Variants in ZBTB25 observed in about 807,000 individuals in gnomAD.
ZBTB25 encodes zinc finger and BTB domain-containing protein 25.
Under a neutral mutation model 34.2 loss-of-function variants are expected in ZBTB25, and 20 were observed. The observed-to-expected ratio is 0.58, with a 90% CI of 0.41 to 0.85. The LOEUF (loss-of-function observed/expected upper bound fraction) is 0.85, where lower values mean the gene tolerates loss of function less well. Ranked by LOEUF, ZBTB25 falls within the 40% of genes least tolerant of loss-of-function variation. The pLI is 0.00. For synonymous variants in ZBTB25, 175 were observed against 186.4 expected, an observed-to-expected ratio of 0.94 and a Z score of 0.50; for missense variants, 437 against 521.8, an observed-to-expected ratio of 0.84 and a Z score of 1.58.
intron 1 of ZBTB25, among the ~76,000 whole-genome samples, chr14:64,498,817 G>A (rs540474549): frequency 9.7e-4 from 147 of 151,554 alleles, no homozygotes; most frequent in African/African-American, 3.5e-3. Flanking sequence ...TGTATTTTTA[G>A]TCGAGACGGG....
At chr14:64,491,134 G>A (rs560425626) in intron 1 of ZBTB25, among the ~76,000 whole-genome samples, 5 of 152,236 alleles carry the variant, frequency 3.3e-5, no homozygotes, top group African/African-American at 4.8e-5. Context: ...TAGATGTCAA[G>A]CCACATCCCC....
At chr14:64,477,560 C>G (rs531500691), downstream of ZBTB25, among the ~76,000 whole-genome samples, 43 of 152,154 alleles carry the variant, frequency 2.8e-4, no homozygotes, top group Admixed American at 1.8e-3. Context: ...TCACTCCCCT[C>G]GAATCTTTGA....
chr14:64,464,659 G>A (rs2078591360), intron 2 of ZBTB25, among the ~76,000 whole-genome samples: 1 of 152,190 alleles, frequency 6.6e-6, no homozygotes, highest in South Asian at 2.1e-4. Flanking sequence ...TGCTATGGGG[G>A]CCAGAGGAGG....
intron 2 of ZBTB25, among the ~76,000 whole-genome samples, chr14:64,450,006 G>C (rs1596559472): frequency 6.6e-6 from 1 of 152,156 alleles, no homozygotes. Flanking sequence ...TGGCCAGGCT[G>C]GTCTCGAACT....
At position 64,457,962 on chromosome 14, in the gene ZBTB25, C is replaced by T. The variant is rs1236672874; in HGVS notation, c.174-8324G>A. 7.0e-6 allele frequency: 4 copies of T among 574,802 alleles called. No homozygotes were observed. In the Admixed American group the frequency reaches 1.2e-4, roughly 17 times the overall value. 35.6% of individuals were successfully genotyped at this position (574,802 alleles called of 1,614,324 possible). A position where few individuals can be genotyped will look rare whatever the true frequency, so the allele number is the denominator to read the frequency against. The stretch of plus-strand genomic sequence containing the variant: ...CGCCCAGGCAATCGGATGATCATGG[C>T]TCACTGTGGCCTCAACCTCCTAGCC... On this transcript the variant is annotated intron_variant, in intron 2 of 2. Transcript: ENST00000555220.
At position 64,485,673 on chromosome 14, in the gene ZBTB25, G is replaced by A; in HGVS notation, c.*1250C>T. The A allele has an allele frequency of 1.0e-6, 1 of 985,386 alleles. No individual in the cohort carries two copies. Among genetic ancestry groups the A allele is most frequent in the Non-Finnish European group, 1.2e-6 (1 of 829,920 alleles). The allele number at this position is 985,386 out of a possible 1,614,324, so 61.0% of individuals were successfully genotyped here. A position where few individuals can be genotyped will look rare whatever the true frequency, so the allele number is the denominator to read the frequency against. On this transcript the variant is annotated 3_prime_UTR_variant, in exon 3 of 3. Coordinates refer to ENST00000608382, the MANE Select transcript of ZBTB25 (RefSeq NM_006977.5). Reference sequence around the variant, plus strand: ...TGGTTTTATGGATCAGGAAAAAAGTGAAAACTGTGCCACTGAAAAATTACT... The same window carrying A: ...TGGTTTTATGGATCAGGAAAAAAGTAAAAACTGTGCCACTGAAAAATTACT...
At chr14:64,498,925 C>T (rs78370003) in intron 1 of ZBTB25, among the ~76,000 whole-genome samples, 6,745 of 152,198 alleles carry the variant, frequency 0.044, 481 homozygotes, top group African/African-American at 0.15. Flanking sequence ...TGAGCCACCG[C>T]GCCCAGCCCA....
intron 1 of ZBTB25, among the ~76,000 whole-genome samples, chr14:64,497,797 C>T (rs2079329411): frequency 6.6e-6 from 1 of 152,116 alleles, no homozygotes; most frequent in African/African-American, 2.4e-5. Context: ...TCTATGGTAG[C>T]CAGCCGGATA....
At chr14:64,459,622 G>C in intron 2 of ZBTB25, 1 of 704,370 alleles carries the variant, frequency 1.4e-6, no homozygotes, top group East Asian at 2.7e-5. Context: ...ACACGCCCTA[G>C]AAGAGCTGGT....
At chr14:64,468,895 C>T in intron 2 of ZBTB25, 1 of 1,614,036 alleles carries the variant, frequency 6.2e-7, no homozygotes, top group Non-Finnish European at 8.5e-7. Context: ...AAACACAGAC[C>T]CCATTGAATG....
rs913249787 is a variant in ZBTB25 at position 64,449,298 on chromosome 14, C to T, written c.*253G>A. Reference sequence around the variant, plus strand: ...CCAAAAGTCACCAGCTAGTAAGTTTCGGAGCTGAGATTCAAACCCAGGCCA... The same window carrying T: ...CCAAAAGTCACCAGCTAGTAAGTTTTGGAGCTGAGATTCAAACCCAGGCCA... On this transcript the variant is annotated 3_prime_UTR_variant, in exon 3 of 3. Transcript: ENST00000555220. 20 of 864,826 alleles carry T rather than the reference C, an allele frequency of 2.3e-5. 1 individual carries two copies. The highest frequency in any genetic ancestry group is 5.0e-5 in the African/African-American group (3 of 60,254). The allele number at this position is 864,826 out of a possible 1,614,324, so 53.6% of individuals were successfully genotyped here. A position where few individuals can be genotyped will look rare whatever the true frequency, so the allele number is the denominator to read the frequency against.
At chr14:64,455,783 CTT>C (rs1170698512) in intron 2 of ZBTB25, among the ~76,000 whole-genome samples, 1 of 152,238 alleles carries the variant, frequency 6.6e-6, no homozygotes, top group African/African-American at 2.4e-5. Flanking sequence ...CTCTTCAGAT[CTT>C]GGCCTTGGGC....
intron 1 of ZBTB25, among the ~76,000 whole-genome samples, chr14:64,493,761 G>T (rs983672679): frequency 6.6e-6 from 1 of 151,926 alleles, no homozygotes; most frequent in Non-Finnish European, 1.5e-5. Flanking sequence ...CCATGTGCTA[G>T]GTGTTGATAT....
At position 64,483,606 on chromosome 14, in the gene ZBTB25, A is replaced by G. The variant is rs1305583801; in HGVS notation, c.*3317T>C. 1 of 152,178 alleles carries G rather than the reference A, an allele frequency of 6.6e-6. No individual in the cohort carries two copies. The highest frequency in any genetic ancestry group is 2.4e-5 in the African/African-American group (1 of 41,438). 9.4% of individuals were successfully genotyped at this position (152,178 alleles called of 1,614,324 possible). ...TGGAAGAACTTTTAAAATACAAAGC[A>G]AATTTTCTCAGTGAGCAATCATGTC... On this transcript the variant is annotated 3_prime_UTR_variant, in exon 3 of 3. Transcript: ENST00000608382.
At chr14:64,457,561 T>C (rs1295926155) in intron 2 of ZBTB25, among the ~76,000 whole-genome samples, 3 of 151,928 alleles carry the variant, frequency 2.0e-5, no homozygotes, top group African/African-American at 4.8e-5. Context: ...GTTCAAGCGA[T>C]TCTCCTGCCT....
intron 1 of ZBTB25, 114 bp from the exon 2 acceptor site, chr14:64,490,654 T>A: frequency 1.1e-6 from 1 of 950,442 alleles, no homozygotes; most frequent in Non-Finnish European, 1.5e-6. Context: ...CAAGGAGATC[T>A]AAATTTAAAT....
intron 2 of ZBTB25, chr14:64,461,625 G>A (rs150174710): frequency 0.02 from 2,766 of 135,468 alleles, 56 homozygotes; most frequent in Admixed American, 0.051. Context: ...GACAAGAGTC[G>A]TGCTCTTTTG....
downstream of ZBTB25, among the ~76,000 whole-genome samples, chr14:64,475,399 A>AT (rs2078710697): frequency 6.6e-6 from 1 of 151,814 alleles, no homozygotes. Context: ...ACATCATGCC[A>AT]TTGCACTCCA....
intron 1 of ZBTB25, among the ~76,000 whole-genome samples, chr14:64,495,579 A>C (rs2079242172): frequency 6.6e-6 from 1 of 152,210 alleles, no homozygotes; most frequent in Admixed American, 6.5e-5. Flanking sequence ...ATAAAAACAG[A>C]AGCTTATTCA....
Sources: allele counts gnomAD v4.1 joint callset (sites outside exome capture counted in the v4.1 genomes callset), GRCh38; gene constraint gnomAD v4.1.1; transcripts MANE v1.5; gene names NCBI Gene and HGNC (gene_info 2026-07-23, HGNC 2026-07-21).